The following SCHIP1 variants were observed in gnomAD, a reference collection of about 807,000 sequenced individuals.
The protein encoded by SCHIP1 is schwannomin interacting protein 1, also known as schwannomin-interacting protein 1.
A neutral mutation model predicts 29.7 loss-of-function variants in SCHIP1; 8 were observed. The observed-to-expected ratio is 0.27, with a 90% CI of 0.16 to 0.49. The LOEUF is 0.49. Among genes scored for constraint, SCHIP1 ranks in the 20% least tolerant of loss-of-function variants. The probability of loss-of-function intolerance (pLI) is 0.99; values close to 1 mark genes in which losing one functional copy is unlikely to be tolerated. For synonymous variants in SCHIP1, 76 were observed against 94.9 expected (o/e 0.80, Z 1.16); for missense variants, 193 against 294.6 (o/e 0.66, Z 2.52).
chr3:159,793,292 T>C, the SCHIP1 span, among the ~76,000 whole-genome samples: 1 of 152,176 alleles, frequency 6.6e-6, no homozygotes, highest in African/African-American at 2.4e-5. Context: ...TAGGTAGTTT[T>C]AACATGCAAT....
the SCHIP1 span, among the ~76,000 whole-genome samples, chr3:159,610,954 C>G: frequency 6.6e-6 from 1 of 152,078 alleles, no homozygotes; most frequent in East Asian, 1.9e-4. Context: ...TAGCAGTTCA[C>G]AGATTTAAAA....
At chr3:159,399,830 C>A in the SCHIP1 span, among the ~76,000 whole-genome samples, 1 of 152,150 alleles carries the variant, frequency 6.6e-6, no homozygotes, top group Non-Finnish European at 1.5e-5. Context: ...GCACACACCA[C>A]CATGCCCAAC....
chr3:159,374,970 C>G, the SCHIP1 span, among the ~76,000 whole-genome samples: 1 of 152,168 alleles, frequency 6.6e-6, no homozygotes, highest in Non-Finnish European at 1.5e-5. Context: ...TTGTTATAAA[C>G]TATAAGTTTT....
At chr3:159,410,708 C>G in the SCHIP1 span, among the ~76,000 whole-genome samples, 6 of 152,160 alleles carry the variant, frequency 3.9e-5, no homozygotes, top group Admixed American at 2.6e-4. Flanking sequence ...TTTCAAAGAA[C>G]AGTTTGGAGA....
At chr3:159,782,855 T>G in the SCHIP1 span, among the ~76,000 whole-genome samples, 1 of 152,226 alleles carries the variant, frequency 6.6e-6, no homozygotes, top group Non-Finnish European at 1.5e-5. Context: ...CTTGCTGTGA[T>G]GGGCATGACT....
At chr3:159,414,225 A>C in the SCHIP1 span, among the ~76,000 whole-genome samples, 1 of 152,080 alleles carries the variant, frequency 6.6e-6, no homozygotes, top group Non-Finnish European at 1.5e-5. Context: ...GACTGGTAAC[A>C]TTTGGAAAGC....
At chr3:159,609,555 G>A in the SCHIP1 span, among the ~76,000 whole-genome samples, 1 of 152,034 alleles carries the variant, frequency 6.6e-6, no homozygotes, top group Non-Finnish European at 1.5e-5. Flanking sequence ...GTGGCCTCGT[G>A]ACTAAGGTTC....
At chr3:159,361,196 G>T in the SCHIP1 span, among the ~76,000 whole-genome samples, 1 of 152,194 alleles carries the variant, frequency 6.6e-6, no homozygotes, top group African/African-American at 2.4e-5. Flanking sequence ...TATGCAAAAA[G>T]ATAAAGTAGA....
chr3:159,294,070 G>C, the SCHIP1 span, among the ~76,000 whole-genome samples: 258 of 152,094 alleles, frequency 1.7e-3, 2 homozygotes, highest in Non-Finnish European at 3.4e-3. Flanking sequence ...TGCCTGTGCT[G>C]GACAGCATGG....
At chr3:159,736,736 CT>C in the SCHIP1 span, among the ~76,000 whole-genome samples, 11,288 of 141,532 alleles carry the variant, frequency 0.08, 864 homozygotes, top group African/African-American at 0.21. Flanking sequence ...AGCCCATATT[CT>C]TTTTTTTTTT....
the SCHIP1 span, among the ~76,000 whole-genome samples, chr3:159,298,549 T>C: frequency 6.6e-6 from 1 of 152,188 alleles, no homozygotes; most frequent in East Asian, 1.9e-4. Context: ...GTTTGGAGCA[T>C]TTATTAAGGG....
chr3:159,626,133 GATA>G, the SCHIP1 span, among the ~76,000 whole-genome samples: 12 of 105,074 alleles, frequency 1.1e-4, 1 homozygote, highest in African/African-American at 9.1e-4. Context: ...TAGATAGATA[GATA>G]GATATATCTA....
chr3:159,334,822 G>T, the SCHIP1 span, among the ~76,000 whole-genome samples: 1 of 151,890 alleles, frequency 6.6e-6, no homozygotes, highest in Non-Finnish European at 1.5e-5. Flanking sequence ...GTTGTTTCCA[G>T]CATTTAACTA....
chr3:159,323,172 G>A, the SCHIP1 span, among the ~76,000 whole-genome samples: 4,716 of 152,170 alleles, frequency 0.031, 265 homozygotes, highest in African/African-American at 0.11. Flanking sequence ...ATCTCAATGG[G>A]GAAATGACTG....
At chr3:159,496,481 G>A in the SCHIP1 span, among the ~76,000 whole-genome samples, 1 of 152,176 alleles carries the variant, frequency 6.6e-6, no homozygotes, top group East Asian at 1.9e-4. Flanking sequence ...AGACATTTAT[G>A]CAGCCAAAAA....
chr3:159,734,158 T>G, the SCHIP1 span, among the ~76,000 whole-genome samples: 3 of 129,548 alleles, frequency 2.3e-5, no homozygotes, highest in African/African-American at 3.3e-5. Flanking sequence ...TTTTTTTTTT[T>G]GTGAGAGGGA....
the SCHIP1 span, among the ~76,000 whole-genome samples, chr3:159,694,415 G>T: frequency 6.6e-6 from 1 of 152,046 alleles, no homozygotes; most frequent in Non-Finnish European, 1.5e-5. Context: ...AGCCATTCGG[G>T]AGGCTGAGGC....
chr3:159,283,274 T>C, the SCHIP1 span, among the ~76,000 whole-genome samples: 1 of 152,172 alleles, frequency 6.6e-6, no homozygotes, highest in Non-Finnish European at 1.5e-5. Flanking sequence ...TGCCTCAGCT[T>C]CCCGAGTAGC....
At chr3:159,826,365 G>A in the SCHIP1 span, among the ~76,000 whole-genome samples, 51 of 152,256 alleles carry the variant, frequency 3.3e-4, no homozygotes, top group Admixed American at 9.8e-4. Flanking sequence ...CAGAAATCCC[G>A]TCTGTCCTTT....
Sources: gnomAD v4.1 joint callset for allele counts (sites outside exome capture counted in the v4.1 genomes callset) on GRCh38, gnomAD v4.1.1 for gene constraint, MANE v1.5 for transcripts, NCBI Gene and HGNC (gene_info 2026-07-23, HGNC 2026-07-21) for gene names.